GSG1L: variants seen among roughly 807,000 people sequenced by gnomAD.
GSG1L encodes GSG1 like.
In GSG1L, 24 loss-of-function variants were observed where a neutral mutation model predicts 42.1. The ratio of observed to expected loss-of-function variants is 0.57; its 90% CI spans 0.41 to 0.80. The LOEUF is 0.80. Ranked by LOEUF, GSG1L falls within the 30% of genes least tolerant of loss-of-function variation. The pLI is 0.00. For missense variants in GSG1L, 445 were observed against 472.2 expected (o/e 0.94, Z 0.53); for synonymous variants, 215 against 203.5 (o/e 1.06, Z -0.48).
intron 2 of GSG1L, among the ~76,000 whole-genome samples, chr16:27,946,216 A>G (rs2141088667): frequency 6.6e-6 from 1 of 152,278 alleles, no homozygotes; most frequent in Non-Finnish European, 1.5e-5. Context: ...GGTGTAAAGC[A>G]GAGATCACAG....
chr16:27,804,329 C>T (rs367609958), intron 6 of GSG1L, among the ~76,000 whole-genome samples: 3 of 152,250 alleles, frequency 2.0e-5, no homozygotes, highest in African/African-American at 4.8e-5. Context: ...TTCCAGCTGT[C>T]GGACACACAG....
At chr16:27,996,432 C>T (rs1234920000) in intron 1 of GSG1L, among the ~76,000 whole-genome samples, 5 of 152,122 alleles carry the variant, frequency 3.3e-5, no homozygotes, top group Non-Finnish European at 7.4e-5. Flanking sequence ...CTGGAAATAA[C>T]CTACATTTCC....
intron 1 of GSG1L, among the ~76,000 whole-genome samples, chr16:28,036,127 T>C (rs2086032962): frequency 6.6e-6 from 1 of 152,162 alleles, no homozygotes; most frequent in South Asian, 2.1e-4. Flanking sequence ...GATTACATCA[T>C]CTCTCAAGTG....
chr16:27,957,569 C>T (rs976286995), intron 2 of GSG1L, among the ~76,000 whole-genome samples: 9 of 152,146 alleles, frequency 5.9e-5, no homozygotes, highest in Non-Finnish European at 1.0e-4. Flanking sequence ...AATTATGCTA[C>T]CCATCGAAGG....
Position 28,044,205 on chromosome 16 carries a change from C to A in GSG1L, c.349+18871G>T, listed in dbSNP as rs151326449. On this transcript the variant is annotated intron_variant, in intron 1 of 6. Transcript: ENST00000447459. ...CAGCCTGGACAATATGGTACAACCC[C>A]ATCTCTACTAAAGTCACACAAATTA... is the stretch of plus-strand genomic sequence containing the variant. 1.9e-3 allele frequency among the ~76,000 whole-genome samples: 290 copies of A among 151,710 alleles called. 1 individual carries two copies. The highest frequency in any genetic ancestry group is 6.6e-3 in the African/African-American group (275 of 41,374).
intron 3 of GSG1L, among the ~76,000 whole-genome samples, chr16:27,879,095 G>A (rs966103426): frequency 1.3e-5 from 2 of 152,118 alleles, no homozygotes; most frequent in Non-Finnish European, 2.9e-5. Context: ...GGGACTGAGT[G>A]GACCAAGGAC....
chr16:27,830,899 T>A (rs2083268285), intron 4 of GSG1L, among the ~76,000 whole-genome samples: 1 of 152,264 alleles, frequency 6.6e-6, no homozygotes, highest in African/African-American at 2.4e-5. Context: ...TCAGTAGCCA[T>A]TCTTCCTTTT....
intron 3 of GSG1L, among the ~76,000 whole-genome samples, chr16:27,881,049 C>T (rs145225346): frequency 6.6e-6 from 1 of 152,210 alleles, no homozygotes; most frequent in Non-Finnish European, 1.5e-5. Context: ...GTCAGGGTCC[C>T]TCTGACCATC....
intron 2 of GSG1L, among the ~76,000 whole-genome samples, chr16:27,895,836 T>C (rs780947278): frequency 1.3e-5 from 2 of 152,174 alleles, no homozygotes; most frequent in East Asian, 3.8e-4. Context: ...TTTAGTGGGA[T>C]GGGCAAAAAG....
intron 2 of GSG1L, among the ~76,000 whole-genome samples, chr16:27,921,271 C>T (rs1226456104): frequency 2.6e-5 from 4 of 152,250 alleles, no homozygotes; most frequent in East Asian, 1.9e-4. Flanking sequence ...CTTTCCCCAC[C>T]GCACCCCCAG....
intron 3 of GSG1L, among the ~76,000 whole-genome samples, chr16:27,867,292 C>G (rs1643717254): frequency 6.6e-6 from 1 of 152,228 alleles, no homozygotes; most frequent in African/African-American, 2.4e-5. Flanking sequence ...CCCAGCTCTC[C>G]CACTCATGCT....
chr16:27,791,403 G>A lies in GSG1L; in HGVS notation c.963C>T (p.Asn321=). 2 of 1,522,422 alleles carry A rather than the reference G, an allele frequency of 1.3e-6. No homozygotes were observed. Among genetic ancestry groups the A allele is most frequent in the South Asian group, 1.3e-5 (1 of 78,432 alleles). The allele number at this position is 1,522,422 out of a possible 1,614,324, so 94.3% of individuals were successfully genotyped here. ...RSSAQEAPEL[N]RQCWVLGHWV ...AGTGCCCCAAGACCCAGCACTGTCG[G>A]TTCAGCTCTGGTGCTTCCTGTGCGG... is the stretch of plus-strand genomic sequence containing the variant. Residue 321 remains asparagine (N), a synonymous_variant, in exon 7 of 7, where the codon AAC becomes AAT. Coordinates refer to ENST00000447459, the MANE Select transcript of GSG1L (RefSeq NM_001109763.2).
In GSG1L at chr16:28,005,768, G is replaced by A. The variant is rs561124503; in HGVS notation, c.350-42565C>T. Among the ~76,000 whole-genome samples the A allele has an allele frequency of 2.0e-5, 3 of 152,188 alleles. No homozygotes were observed. The South Asian group carries it at 6.2e-4, about 32-fold the overall frequency. On this transcript the variant is annotated intron_variant, in intron 1 of 6. Transcript: ENST00000447459. Reference sequence around the variant, plus strand: ...TTCTGAGGAGCCAGGCATAGAGACCGGCAGAATAAAGGCTTAATAAGTATT... The same window carrying A: ...TTCTGAGGAGCCAGGCATAGAGACCAGCAGAATAAAGGCTTAATAAGTATT...
chr16:27,954,151 G>T, intron 2 of GSG1L, among the ~76,000 whole-genome samples: 1 of 152,104 alleles, frequency 6.6e-6, no homozygotes, highest in East Asian at 1.9e-4. Context: ...GGTTTACAAA[G>T]TCAAACCTGG....
chr16:28,009,071 A>G (rs1204581514), intron 1 of GSG1L, among the ~76,000 whole-genome samples: 2 of 152,168 alleles, frequency 1.3e-5, no homozygotes, highest in Non-Finnish European at 2.9e-5. Context: ...GGCCTCCCGA[A>G]GTACTGGGAT....
chr16:27,814,858 C>G (rs2083076545), intron 5 of GSG1L, among the ~76,000 whole-genome samples: 1 of 151,922 alleles, frequency 6.6e-6, no homozygotes, highest in South Asian at 2.1e-4. Flanking sequence ...CAGTACGTGA[C>G]AATTTCCTTT....
At chr16:27,910,883 T>A (rs2084379262) in intron 2 of GSG1L, among the ~76,000 whole-genome samples, 1 of 152,094 alleles carries the variant, frequency 6.6e-6, no homozygotes, top group African/African-American at 2.4e-5. Flanking sequence ...CGTGGTGGCA[T>A]GCACTTGTGC....
intron 2 of GSG1L, among the ~76,000 whole-genome samples, chr16:27,938,350 T>C (rs1025299540): frequency 6.7e-6 from 1 of 148,196 alleles, no homozygotes; most frequent in African/African-American, 2.5e-5. Context: ...ATCACACCAC[T>C]GCACTCCAGC....
chr16:27,823,708 G>A (rs1180154646), intron 5 of GSG1L, among the ~76,000 whole-genome samples: 1 of 151,994 alleles, frequency 6.6e-6, no homozygotes, highest in African/African-American at 2.4e-5. Flanking sequence ...CCCCTCCTGC[G>A]ATGAACTCCT....
Sources: gnomAD v4.1 joint callset for allele counts (sites outside exome capture counted in the v4.1 genomes callset) on GRCh38, gnomAD v4.1.1 for gene constraint, MANE v1.5 for transcripts, NCBI Gene and HGNC (gene_info 2026-07-23, HGNC 2026-07-21) for gene names.